Variants in MAL observed in about 807,000 individuals in gnomAD.
The protein encoded by MAL is mal, T cell differentiation protein (MAL blood group).
Under a neutral mutation model 16.7 loss-of-function variants are expected in MAL, and 5 were observed. That is an observed-to-expected ratio of 0.30 (90% CI 0.16 to 0.63). MAL has a LOEUF of 0.63. Ranked by LOEUF, MAL falls within the 30% of genes least tolerant of loss-of-function variation. The pLI is 0.82. For missense variants in MAL, 202 were observed against 195.8 expected (o/e 1.03, Z -0.19); for synonymous variants, 96 against 85.5 (o/e 1.12, Z -0.67).
At chr2:95,052,108 G>A (rs1486156422) in intron 3 of MAL, among the ~76,000 whole-genome samples, 1 of 152,232 alleles carries the variant, frequency 6.6e-6, no homozygotes, top group South Asian at 2.1e-4. Flanking sequence ...CCCCAGGGAT[G>A]GGTGGAAGTC....
At chr2:95,049,053 A>G (rs1216559899) in intron 2 of MAL, among the ~76,000 whole-genome samples, 1 of 152,216 alleles carries the variant, frequency 6.6e-6, no homozygotes. Context: ...CCTGGCCTCA[A>G]GAGATCCTCC....
At chr2:95,050,812 G>A (rs781428462) in intron 3 of MAL, among the ~76,000 whole-genome samples, 15 of 152,168 alleles carry the variant, frequency 9.9e-5, no homozygotes, top group Non-Finnish European at 2.2e-4. Flanking sequence ...CTCCCGTGTT[G>A]GCCCATCTCC....
intron 1 of MAL, among the ~76,000 whole-genome samples, chr2:95,031,517 G>C (rs1674081834): frequency 6.6e-6 from 1 of 152,244 alleles, no homozygotes; most frequent in South Asian, 2.1e-4. Flanking sequence ...CCACCCTCTT[G>C]ATATTTTTAT....
chr2:95,034,363 G>A lies in MAL; in HGVS notation c.93+8478G>A, dbSNP rs1257560223. Among the ~76,000 whole-genome samples the A allele has an allele frequency of 8.5e-5, 13 of 152,308 alleles. No homozygotes were observed. In the East Asian group the frequency reaches 1.5e-3, roughly 18 times the overall value. ...CAGCCCCAGCCTGCCTTCTGCCCAGGGAGCAGGCTGCTTTCTAAGCCTCTC... is the reference window on the plus strand; with the variant it reads ...CAGCCCCAGCCTGCCTTCTGCCCAGAGAGCAGGCTGCTTTCTAAGCCTCTC... On this transcript the variant is annotated intron_variant, in intron 1 of 3. Transcript: ENST00000309988.
At chr2:95,048,236 T>A in intron 2 of MAL, 110 bp downstream of exon 2, 1 of 1,146,756 alleles carries the variant, frequency 8.7e-7, no homozygotes, top group African/African-American at 1.5e-5. Context: ...TCCGTAGATG[T>A]CACCCCACCA....
At chr2:95,049,475 AGGAAGTGGGG>A (rs1674664604) in intron 2 of MAL, 96 bp from the exon 3 acceptor site, 3 of 1,397,280 alleles carry the variant, frequency 2.1e-6, no homozygotes, top group South Asian at 2.6e-5. Context: ...TGGGATTCAA[AGGAAGTGGGG>A]GGAGAGGCAA....
At position 95,025,964 on chromosome 2, in the gene MAL, C is replaced by A; in HGVS notation, c.93+79C>A. ...TCGGGCGCCCAGCACAGCTGTCGGA[C>A]GGGATCCGCTAGCTGCGCAGGTTCT... On this transcript the variant is annotated intron_variant, in intron 1 of 3. Transcript: ENST00000309988. The surrounding 1 kb of genome is among the most constrained non-coding windows in gnomAD (Gnocchi z 5.6). The A allele has an allele frequency of 1.6e-6, 2 of 1,262,912 alleles. No individual in the cohort carries two copies. Among genetic ancestry groups the A allele is most frequent in the South Asian group, 1.4e-5 (1 of 69,462 alleles). 78.2% of individuals were successfully genotyped at this position (1,262,912 alleles called of 1,614,324 possible). A position where few individuals can be genotyped will look rare whatever the true frequency, so the allele number is the denominator to read the frequency against.
chr2:95,049,917 G>A (rs1186004003), intron 3 of MAL, among the ~76,000 whole-genome samples: 3 of 152,164 alleles, frequency 2.0e-5, no homozygotes, highest in African/African-American at 7.2e-5. Context: ...GGCCAGGGCT[G>A]CATGCCCCAG....
intron 1 of MAL, among the ~76,000 whole-genome samples, chr2:95,042,189 G>A (rs940884265): frequency 2.6e-5 from 4 of 152,230 alleles, no homozygotes; most frequent in Admixed American, 6.5e-5. Flanking sequence ...GAGAGGCTGG[G>A]CAGGACCTGG....
chr2:95,035,321 A>C (rs1383468896), intron 1 of MAL, among the ~76,000 whole-genome samples: 1 of 152,072 alleles, frequency 6.6e-6, no homozygotes. Context: ...CTTACCCAGT[A>C]TTTTCACAGA....
At chr2:95,040,338 CAT>C (rs1472362699) in intron 1 of MAL, among the ~76,000 whole-genome samples, 2 of 152,098 alleles carry the variant, frequency 1.3e-5, no homozygotes. Context: ...GAAGTACACA[CAT>C]GTGCATACAT....
chr2:95,032,427 C>G (rs1674105927), intron 1 of MAL, among the ~76,000 whole-genome samples: 1 of 152,208 alleles, frequency 6.6e-6, no homozygotes, highest in African/African-American at 2.4e-5. Flanking sequence ...TGGGGGCTGA[C>G]TTAAGCCACT....
intron 1 of MAL, among the ~76,000 whole-genome samples, chr2:95,027,734 C>CG (rs1462595661): frequency 3.3e-5 from 5 of 151,328 alleles, no homozygotes; most frequent in African/African-American, 9.8e-5. Flanking sequence ...GCTTTTGAGA[C>CG]GGAGTCTCGC....
chr2:95,027,294 AT>A (rs1274468560), intron 1 of MAL, among the ~76,000 whole-genome samples: 1 of 152,148 alleles, frequency 6.6e-6, no homozygotes, highest in African/African-American at 2.4e-5. Context: ...TGCTGCAGAA[AT>A]TACAGGGGCG....
At chr2:95,047,778 C>A (rs886458442) in intron 1 of MAL, among the ~76,000 whole-genome samples, 181 bp from the exon 2 acceptor site, 1 of 152,204 alleles carries the variant, frequency 6.6e-6, no homozygotes, top group African/African-American at 2.4e-5. Context: ...GATTGAGATC[C>A]AGCACAGGGC....
At chr2:95,045,423 C>G (rs543655724) in intron 1 of MAL, among the ~76,000 whole-genome samples, 1 of 152,146 alleles carries the variant, frequency 6.6e-6, no homozygotes, top group Non-Finnish European at 1.5e-5. Flanking sequence ...ACTTGGACAC[C>G]GATGCATGGC....
intron 1 of MAL, among the ~76,000 whole-genome samples, chr2:95,029,740 G>T (rs1674030589): frequency 6.6e-6 from 1 of 152,146 alleles, no homozygotes; most frequent in Admixed American, 6.5e-5. Flanking sequence ...GTTTAATTAA[G>T]TTCAAGACCC....
intron 1 of MAL, among the ~76,000 whole-genome samples, chr2:95,045,126 G>T (rs1674556994): frequency 6.6e-6 from 1 of 152,270 alleles, no homozygotes; most frequent in Non-Finnish European, 1.5e-5. Flanking sequence ...CGCTATTAGA[G>T]AACTCCAGAC....
intron 1 of MAL, among the ~76,000 whole-genome samples, chr2:95,028,152 C>CAAAAAAAAAA (rs898443996): frequency 7.1e-4 from 28 of 39,488 alleles, no homozygotes; most frequent in Non-Finnish European, 9.0e-4. Flanking sequence ...ACTAAAAATA[C>CAAAAAAAAAA]AAAAAAAAAA....
Sources: allele counts gnomAD v4.1 joint callset (sites outside exome capture counted in the v4.1 genomes callset), GRCh38; gene constraint gnomAD v4.1.1; non-coding constraint Gnocchi (gnomAD v3.1); transcripts MANE v1.5; gene names NCBI Gene and HGNC (gene_info 2026-07-23, HGNC 2026-07-21).